The following BCAM variants were observed in gnomAD, a reference collection of about 807,000 sequenced individuals.
BCAM encodes the protein basal cell adhesion molecule (Lutheran blood group).
Under a neutral mutation model 72.4 loss-of-function variants are expected in BCAM, and 61 were observed. That is an observed-to-expected ratio of 0.84 (90% CI 0.69 to 1.04). The LOEUF is 1.04. Among genes scored for constraint, BCAM ranks in the 50% least tolerant of loss-of-function variants. The pLI is 0.00. For synonymous variants in BCAM, 408 were observed against 384.2 expected, an observed-to-expected ratio of 1.06 and a Z score of -0.73; for missense variants, 909 against 895.0, an observed-to-expected ratio of 1.02 and a Z score of -0.20.
chr19:44,813,498 C>A lies in BCAM; in HGVS notation c.662C>A (p.Thr221Asn), dbSNP rs992788732. ...EASGLLSLTS[T>N]LYLRLRKDDR... ...TCGGGCCTGCTCTCCCTCACCAGCACCCTCTACCTGCGGCTCCGCAAGGAT... is the reference window on the plus strand; with the variant it reads ...TCGGGCCTGCTCTCCCTCACCAGCAACCTCTACCTGCGGCTCCGCAAGGAT... The change falls in exon 6 of 15, where the codon ACC becomes AAC. Residue 221 changes from threonine (T) to asparagine (N), a missense_variant. By Grantham distance (65) the Thr-to-Asn change is moderately conservative (BLOSUM62 0). Coordinates refer to ENST00000270233, the MANE Select transcript of BCAM (RefSeq NM_005581.5). This position sits in a 1 kb window ranked among gnomAD's most constrained non-coding sequence, Gnocchi z 4.2. 3.7e-6 allele frequency: 6 copies of A among 1,612,696 alleles called. No homozygotes were observed. Among genetic ancestry groups the A allele is most frequent in the African/African-American group, 1.3e-5 (1 of 75,054 alleles).
In BCAM at chr19:44,818,675, C is replaced by G; in HGVS notation, c.1194+38C>G. 6.2e-7 allele frequency: 1 copy of G among 1,611,654 alleles called. No individual in the cohort carries two copies. Among genetic ancestry groups the G allele is most frequent in the Non-Finnish European group, 8.5e-7 (1 of 1,178,180 alleles). On this transcript the variant is annotated intron_variant, in intron 9 of 14. Coordinates refer to ENST00000270233, the MANE Select transcript of BCAM (RefSeq NM_005581.5). The surrounding 1 kb of genome is among the most constrained non-coding windows in gnomAD (Gnocchi z 4.6). ...GGAGCCCCCTCGGGCCCTGCACTCG[C>G]ACCCTCCTCTCTCCCCTCACTCCTC...
In BCAM at chr19:44,819,362, C is replaced by T; in HGVS notation, c.1490C>T (p.Pro497Leu). 1 of 1,614,102 alleles carries T rather than the reference C, an allele frequency of 6.2e-7. No individual in the cohort carries two copies. The highest frequency in any genetic ancestry group is 8.5e-7 in the Non-Finnish European group (1 of 1,179,964). Residue 497 changes from proline to leucine, a missense_variant, in exon 12 of 15, where the codon CCC (proline) becomes CTC (leucine). By Grantham distance (98) the Pro-to-Leu change is moderately conservative. Transcript: ENST00000270233. ...CCTCCATAGCCCGCAGAGCCAATCCCCGGACGGCAGGGTTGGGTGAGCAGC... is the reference window on the plus strand; with the variant it reads ...CCTCCATAGCCCGCAGAGCCAATCCTCGGACGGCAGGGTTGGGTGAGCAGC... ...QLGGSPAEPIPGRQGWVSSSL... is the reference protein window; with the variant it reads ...QLGGSPAEPILGRQGWVSSSL...
chr19:44,819,790 G>A, intron 13 of BCAM, 64 bp downstream of exon 13: 11 of 1,494,134 alleles, frequency 7.4e-6, no homozygotes, highest in Non-Finnish European at 9.8e-6. Context: ...TCAACCCCAA[G>A]CTCAACCCAT....
At chr19:44,820,873 G>A (rs775575831) in intron 14 of BCAM, 43 bp from the exon 15 acceptor site, 2 of 1,549,908 alleles carry the variant, frequency 1.3e-6, no homozygotes, top group Non-Finnish European at 1.7e-6. Flanking sequence ...GGGCAGTGGA[G>A]CACGCCCGTG....
chr19:44,820,403 C>A, intron 13 of BCAM: 4 of 1,165,564 alleles, frequency 3.4e-6, no homozygotes, highest in Non-Finnish European at 4.2e-6. Flanking sequence ...AACCTTGTCT[C>A]CAGCCCCAAC....
rs569793445 is a variant in BCAM at position 44,814,052 on chromosome 19, G to T, written c.785-100G>T. On this transcript the variant is annotated intron_variant, in intron 6 of 14. Coordinates refer to ENST00000270233, the MANE Select transcript of BCAM (RefSeq NM_005581.5). This position sits in a 1 kb window ranked among gnomAD's most constrained non-coding sequence, Gnocchi z 4.6. The stretch of plus-strand genomic sequence containing the variant: ...ACCTATGACCCGTAACCTTTGACCC[G>T]CCATAGCCCTCACCTGGGATGCAGG... The T allele has an allele frequency of 3.5e-6, 5 of 1,414,930 alleles. No homozygotes were observed. The highest frequency in any genetic ancestry group is 4.7e-6 in the Non-Finnish European group (5 of 1,064,498). The allele number at this position is 1,414,930 out of a possible 1,614,324, so 87.6% of individuals were successfully genotyped here. A position where few individuals can be genotyped will look rare whatever the true frequency, so the allele number is the denominator to read the frequency against.
chr19:44,809,788 C>G (rs1321362599), intron 1 of BCAM, among the ~76,000 whole-genome samples: 1 of 147,124 alleles, frequency 6.8e-6, no homozygotes, highest in African/African-American at 2.5e-5. Context: ...AAAGTGTTTC[C>G]AAGTGACAGG....
chr19:44,818,911 G>A lies in BCAM; in HGVS notation c.1336+29G>A. On this transcript the variant is annotated intron_variant, in intron 10 of 14. Transcript: ENST00000270233. This position sits in a 1 kb window ranked among gnomAD's most constrained non-coding sequence, Gnocchi z 4.6. ...CAGGGGGCAGGGAGGGGGTGGGCTT[G>A]GATGGGGACAGTGTGGGGTGTGGGA... The A allele has an allele frequency of 1.2e-6, 2 of 1,609,350 alleles. No individual in the cohort carries two copies. Among genetic ancestry groups the A allele is most frequent in the Non-Finnish European group, 1.7e-6 (2 of 1,177,750 alleles).
At position 44,820,907 on chromosome 19, in the gene BCAM, G is replaced by A. The variant is rs201049330; in HGVS notation, c.1882-9G>A. The A allele has an allele frequency of 7.3e-5, 114 of 1,559,666 alleles. No individual in the cohort carries two copies. In the South Asian group the frequency reaches 1.1e-3, roughly 15 times the overall value. ...TGGGCACAGGCTGACCTCTCCATCCGCTCCCCAGTGCTGAGCCAAGAACCT... is the reference window on the plus strand; with the variant it reads ...TGGGCACAGGCTGACCTCTCCATCCACTCCCCAGTGCTGAGCCAAGAACCT... On this transcript the variant is annotated splice_polypyrimidine_tract_variant and intron_variant, in intron 14 of 14. Transcript: ENST00000270233.
chr19:44,819,077 C>A lies in BCAM; in HGVS notation c.1358C>A (p.Ala453Glu), dbSNP rs766822712. The A allele has an allele frequency of 6.2e-7, 1 of 1,614,020 alleles. No homozygotes were observed. Among genetic ancestry groups the A allele is most frequent in the Admixed American group, 1.7e-5 (1 of 59,982 alleles). Residue 453 changes from alanine to glutamate, a missense_variant, in exon 11 of 15, where the codon GCG (alanine) becomes GAG (glutamate). Ala to Glu is a moderately radical substitution (Grantham distance 107, BLOSUM62 -1). Transcript: ENST00000270233. ...LVQGSPELKT[A>E]EIEPKADGSW... ...ACAGGCTCGCCAGAGCTAAAGACAG[C>A]GGAAATAGAGCCCAAGGCAGATGGC...
rs756765097 is a variant in BCAM, at chr19:44,819,363, C to T, written c.1491C>T (p.Pro497=). ...QLGGSPAEPI[P]GRQGWVSSSL... ...CTCCATAGCCCGCAGAGCCAATCCCCGGACGGCAGGGTTGGGTGAGCAGCT... is the reference window on the plus strand; with the variant it reads ...CTCCATAGCCCGCAGAGCCAATCCCTGGACGGCAGGGTTGGGTGAGCAGCT... The change falls in exon 12 of 15, where the codon CCC becomes CCT. Residue 497 remains proline, a synonymous_variant. Coordinates refer to ENST00000270233, the MANE Select transcript of BCAM (RefSeq NM_005581.5). 1.4e-5 allele frequency: 23 copies of T among 1,613,954 alleles called. No individual in the cohort carries two copies. The highest frequency in any genetic ancestry group is 1.2e-4 in the African/African-American group (9 of 74,914).
At chr19:44,819,233 A>T in intron 11 of BCAM, 41 bp downstream of exon 11, 1 of 1,612,160 alleles carries the variant, frequency 6.2e-7, no homozygotes, top group South Asian at 1.1e-5. Flanking sequence ...CCTCTCACTC[A>T]TCCAAGTATC....
chr19:44,809,207 G>A lies in BCAM; in HGVS notation c.82+1G>A, dbSNP rs1968385185. The A allele has an allele frequency of 1.4e-6, 2 of 1,468,746 alleles. No individual in the cohort carries two copies. The highest frequency in any genetic ancestry group is 5.9e-5 in the East Asian group (2 of 33,662). 91.0% of individuals were successfully genotyped at this position (1,468,746 alleles called of 1,614,324 possible). On this transcript the variant is annotated splice_donor_variant, in intron 1 of 14. Transcript: ENST00000270233. LOFTEE classifies it high-confidence loss of function. ...GCAGTCCTGCTGGCGGCGCACCCAGGTATGGCTCGGGCTGAGGGCAAGGTG... is the reference window on the plus strand; with the variant it reads ...GCAGTCCTGCTGGCGGCGCACCCAGATATGGCTCGGGCTGAGGGCAAGGTG...
In BCAM at chr19:44,814,895, G is replaced by A. The variant is rs940260353; in HGVS notation, c.1078+135G>A. On this transcript the variant is annotated intron_variant, in intron 8 of 14. Transcript: ENST00000270233. The surrounding 1 kb of genome is among the most constrained non-coding windows in gnomAD (Gnocchi z 4.6). Reference sequence around the variant, plus strand: ...CAACCCTTTCTCTGCATTTCTTGGGGGTTTTTTTGGTTGTTTTTTTTTTTT... The same window carrying A: ...CAACCCTTTCTCTGCATTTCTTGGGAGTTTTTTTGGTTGTTTTTTTTTTTT... The A allele has an allele frequency of 1.1e-3, 1,091 of 1,029,082 alleles. No individual in the cohort carries two copies. Among genetic ancestry groups the A allele is most frequent in the Non-Finnish European group, 1.3e-3 (1,035 of 781,874 alleles). The allele number at this position is 1,029,082 out of a possible 1,614,324, so 63.7% of individuals were successfully genotyped here.
intron 2 of BCAM, chr19:44,811,561 G>A (rs774670813): frequency 7.1e-5 from 46 of 649,164 alleles, no homozygotes; most frequent in East Asian, 1.4e-4. Flanking sequence ...TCTGGACTGC[G>A]GGCTCTTGAG....
Position 44,819,160 on chromosome 19 carries a change from C to G in BCAM, c.1441C>G (p.Pro481Ala). 1 of 1,614,090 alleles carries G rather than the reference C, an allele frequency of 6.2e-7. No individual in the cohort carries two copies. Among genetic ancestry groups the G allele is most frequent in the South Asian group, 1.1e-5 (1 of 91,080 alleles). The change falls in exon 11 of 15, where the codon CCC (proline) becomes GCC (alanine). Residue 481 changes from proline (P) to alanine (A), a missense_variant. By Grantham distance (27) the Pro-to-Ala change is conservative (BLOSUM62 -1). Coordinates refer to ENST00000270233, the MANE Select transcript of BCAM (RefSeq NM_005581.5). The part of the protein sequence containing the change: ...LICSARGHPD[P>A]KLSWSQLGGS... Reference sequence around the variant, plus strand: ...CTGCTCTGCCCGCGGCCATCCAGACCCCAAACTCAGCTGGAGCCAATTGGG... The same window carrying G: ...CTGCTCTGCCCGCGGCCATCCAGACGCCAAACTCAGCTGGAGCCAATTGGG...
intron 2 of BCAM, 107 bp downstream of exon 2, chr19:44,811,453 C>T (rs1968418776): frequency 6.4e-7 from 1 of 1,550,944 alleles, no homozygotes; most frequent in Non-Finnish European, 8.7e-7. Context: ...AGCCACACTC[C>T]TTGTTACAGA....
intron 2 of BCAM, chr19:44,811,697 C>G (rs1297916802): frequency 3.3e-6 from 1 of 299,922 alleles, no homozygotes; most frequent in African/African-American, 2.2e-5. Context: ...CTGTCCTGAC[C>G]AACATGGTGA....
In BCAM at chr19:44,811,139, C is replaced by A. The variant is rs898569557; in HGVS notation, c.83-86C>A. On this transcript the variant is annotated intron_variant, in intron 1 of 14. Transcript: ENST00000270233. ...GAGGGAGGAGGGGCTGGGACCTGGACGCTTGTGTCCTGGGGGAGAGGGGAC... is the reference window on the plus strand; with the variant it reads ...GAGGGAGGAGGGGCTGGGACCTGGAAGCTTGTGTCCTGGGGGAGAGGGGAC... 7 of 1,592,908 alleles carry A rather than the reference C, an allele frequency of 4.4e-6. No individual in the cohort carries two copies. The South Asian group carries it at 7.8e-5, about 18-fold the overall frequency.
Sources: allele counts gnomAD v4.1 joint callset (sites outside exome capture counted in the v4.1 genomes callset), GRCh38; gene constraint gnomAD v4.1.1; non-coding constraint Gnocchi (gnomAD v3.1); transcripts MANE v1.5; gene names NCBI Gene and HGNC (gene_info 2026-07-23, HGNC 2026-07-21).